TMEM116: variants seen among roughly 807,000 people sequenced by gnomAD.
TMEM116 encodes transmembrane protein 116.
A neutral mutation model predicts 44.3 loss-of-function variants in TMEM116; 38 were observed. The ratio of observed to expected loss-of-function variants is 0.86; its 90% CI spans 0.66 to 1.12. The LOEUF is 1.12. Ranked by LOEUF, TMEM116 falls within the 50% of genes most tolerant of loss-of-function variation. The pLI is 0.00. For synonymous variants in TMEM116, 132 were observed against 144.8 expected (o/e 0.91, Z 0.64); for missense variants, 354 against 401.7 (o/e 0.88, Z 1.01).
At chr12:111,997,845 A>G (rs1248215026) in intron 3 of TMEM116, among the ~76,000 whole-genome samples, 1 of 152,266 alleles carries the variant, frequency 6.6e-6, no homozygotes, top group Non-Finnish European at 1.5e-5. Flanking sequence ...AGTATTTAAT[A>G]AATATCAGCT....
intron 5 of TMEM116, 56 bp from the exon 6 acceptor site, chr12:111,938,266 T>A: frequency 7.7e-7 from 1 of 1,304,528 alleles, no homozygotes; most frequent in South Asian, 1.5e-5. Context: ...CATATAATAA[T>A]AAATACCAGA....
chr12:111,993,781 G>T, intron 3 of TMEM116: 1 of 724,902 alleles, frequency 1.4e-6, no homozygotes. Flanking sequence ...AACATTTGTA[G>T]CAGGTTACAT....
chr12:111,984,669 A>G (rs1306337230), intron 4 of TMEM116, among the ~76,000 whole-genome samples: 1 of 152,050 alleles, frequency 6.6e-6, no homozygotes, highest in Non-Finnish European at 1.5e-5. Flanking sequence ...TGTACATTTT[A>G]AAAGAATTAA....
chr12:111,997,815 T>C (rs994410551), intron 3 of TMEM116, among the ~76,000 whole-genome samples: 2 of 152,182 alleles, frequency 1.3e-5, no homozygotes, highest in Non-Finnish European at 2.9e-5. Flanking sequence ...TAATATGTAA[T>C]AAAACATTTA....
At chr12:111,987,429 C>T (rs1277287171) in intron 4 of TMEM116, among the ~76,000 whole-genome samples, 1 of 150,962 alleles carries the variant, frequency 6.6e-6, no homozygotes, top group Admixed American at 6.6e-5. Context: ...CACTAGAACC[C>T]GGGAGGTGGA....
intron 4 of TMEM116, among the ~76,000 whole-genome samples, chr12:111,954,009 T>C (rs2073917553): frequency 6.6e-6 from 1 of 152,204 alleles, no homozygotes; most frequent in Non-Finnish European, 1.5e-5. Flanking sequence ...TACACATCAG[T>C]ATTAACCCTA....
intron 3 of TMEM116, among the ~76,000 whole-genome samples, chr12:111,995,305 A>T (rs969427985): frequency 6.6e-6 from 1 of 152,182 alleles, no homozygotes; most frequent in Non-Finnish European, 1.5e-5. Context: ...ATATATATAG[A>T]TCTCTGATGT....
At position 111,931,333 on chromosome 12, in the gene TMEM116, G is replaced by C. The variant is rs1480953971; in HGVS notation, c.*288C>G. 2.5e-6 allele frequency: 1 copy of C among 397,502 alleles called. No homozygotes were observed. The highest frequency in any genetic ancestry group is 4.5e-6 in the Non-Finnish European group (1 of 220,818). The allele number at this position is 397,502 out of a possible 1,614,324, so 24.6% of individuals were successfully genotyped here. A position where few individuals can be genotyped will look rare whatever the true frequency, so the allele number is the denominator to read the frequency against. ...TCTAGAATTTATTTTTTCTAGAAGA[G>C]ACTTAGACAAATCCAATATCCATCA... On this transcript the variant is annotated 3_prime_UTR_variant, in exon 11 of 11. Transcript: ENST00000552374.
At chr12:111,990,116 G>A (rs1005009597) in intron 4 of TMEM116, among the ~76,000 whole-genome samples, 7 of 152,094 alleles carry the variant, frequency 4.6e-5, no homozygotes, top group South Asian at 2.1e-4. Context: ...TTAGCCAGGC[G>A]TGGTGGCAGG....
At chr12:111,981,687 G>C (rs760488236) in intron 4 of TMEM116, among the ~76,000 whole-genome samples, 72 of 152,184 alleles carry the variant, frequency 4.7e-4, no homozygotes, top group Non-Finnish European at 7.5e-4. Flanking sequence ...AAAAGCCTGG[G>C]AAAGAGGCTG....
intron 7 of TMEM116, 100 bp downstream of exon 7, chr12:111,937,060 A>C: frequency 8.5e-7 from 1 of 1,181,972 alleles, no homozygotes; most frequent in Non-Finnish European, 1.2e-6. Context: ...TAATATTAGC[A>C]CTTTGGTCAG....
At chr12:111,948,343 A>C (rs1009889221) in intron 4 of TMEM116, among the ~76,000 whole-genome samples, 1 of 152,190 alleles carries the variant, frequency 6.6e-6, no homozygotes, top group African/African-American at 2.4e-5. Context: ...TAGAATTTGA[A>C]TAGGTTAGGG....
At chr12:111,969,564 T>C (rs1014124709) in intron 4 of TMEM116, among the ~76,000 whole-genome samples, 8 of 151,910 alleles carry the variant, frequency 5.3e-5, no homozygotes, top group Middle Eastern at 3.4e-3. Flanking sequence ...TGCACCATCA[T>C]ACCCGGCTAA....
At chr12:111,986,764 A>AT (rs1565942575) in intron 4 of TMEM116, among the ~76,000 whole-genome samples, 1 of 152,128 alleles carries the variant, frequency 6.6e-6, no homozygotes, top group Admixed American at 6.6e-5. Flanking sequence ...AGCCATGATC[A>AT]TATCACTGCA....
At chr12:111,991,524 GAAAA>G (rs397956051) in intron 4 of TMEM116, among the ~76,000 whole-genome samples, 1 of 83,346 alleles carries the variant, frequency 1.2e-5, no homozygotes, top group Non-Finnish European at 2.7e-5. Context: ...CTCTGTCTCA[GAAAA>G]AAAAAAAAAA....
At chr12:111,991,666 G>A (rs1180787233) in intron 4 of TMEM116, 92 bp downstream of exon 4, 12 of 1,255,364 alleles carry the variant, frequency 9.6e-6, no homozygotes, top group East Asian at 5.4e-5. Flanking sequence ...AAACAAATAC[G>A]TCTCCACTTC....
intron 7 of TMEM116, 128 bp from the exon 8 acceptor site, chr12:111,936,958 C>T (rs2072212302): frequency 7.4e-6 from 8 of 1,075,902 alleles, no homozygotes; most frequent in Non-Finnish European, 1.1e-5. Flanking sequence ...CTTGTCTCTC[C>T]CCCACAGACA....
intron 9 of TMEM116, 40 bp downstream of exon 9, chr12:111,933,846 T>C: frequency 6.2e-7 from 1 of 1,610,516 alleles, no homozygotes; most frequent in Non-Finnish European, 8.5e-7. Context: ...ACCTAATAAC[T>C]GCCCTCTTCA....
chr12:111,964,509 C>A (rs1333670408), intron 4 of TMEM116, among the ~76,000 whole-genome samples: 2 of 151,556 alleles, frequency 1.3e-5, no homozygotes, highest in Non-Finnish European at 2.9e-5. Flanking sequence ...TAAGGAAACA[C>A]CAAAGTGACT....
Sources: gnomAD v4.1 joint callset for allele counts (sites outside exome capture counted in the v4.1 genomes callset) on GRCh38, gnomAD v4.1.1 for gene constraint, MANE v1.5 for transcripts, NCBI Gene and HGNC (gene_info 2026-07-23, HGNC 2026-07-21) for gene names.